Variants in ZFHX3 observed in about 807,000 individuals in gnomAD.
ZFHX3 encodes zinc finger homeobox 3.
In ZFHX3, 42 loss-of-function variants were observed where a neutral mutation model predicts 279.1. That is an observed-to-expected ratio of 0.15 (90% CI 0.12 to 0.19). ZFHX3 has a LOEUF of 0.19. Ranked by LOEUF, ZFHX3 falls within the 10% of genes least tolerant of loss-of-function variation. The pLI is 1.00. For synonymous variants in ZFHX3, 2,293 were observed against 1,957.8 expected (o/e 1.17, Z -4.52); for missense variants, 4,981 against 4,754.0 (o/e 1.05, Z -1.40).
intron 7 of ZFHX3, among the ~76,000 whole-genome samples, chr16:73,119,703 G>C (rs1966473888): frequency 1.3e-5 from 2 of 152,126 alleles, no homozygotes; most frequent in Non-Finnish European, 2.9e-5. Context: ...ACGTCTTTTA[G>C]AAATGGGGTC....
chr16:73,798,336 G>A (rs1270876957), intron 1 of ZFHX3, among the ~76,000 whole-genome samples: 2 of 151,950 alleles, frequency 1.3e-5, no homozygotes, highest in Non-Finnish European at 2.9e-5. Flanking sequence ...TGGGGGAAAG[G>A]TGAGACCTTG....
chr16:73,330,061 C>A (rs1238761203), intron 3 of ZFHX3, among the ~76,000 whole-genome samples: 2 of 152,164 alleles, frequency 1.3e-5, no homozygotes, highest in East Asian at 3.9e-4. Context: ...GGACACAATG[C>A]AGACCTTTGA....
At chr16:73,232,539 G>C (rs952549704) in intron 5 of ZFHX3, 2 of 152,260 alleles carry the variant, frequency 1.3e-5, no homozygotes, top group Non-Finnish European at 2.9e-5. Context: ...AAGAAAAAAG[G>C]AATCGATGAC....
intron 1 of ZFHX3, among the ~76,000 whole-genome samples, chr16:73,043,866 G>C (rs1965202235): frequency 6.6e-6 from 1 of 152,220 alleles, no homozygotes; most frequent in African/African-American, 2.4e-5. Context: ...TTAAATCATA[G>C]AGAAAAGCCC....
intron 3 of ZFHX3, among the ~76,000 whole-genome samples, chr16:73,367,599 A>C (rs2016551977): frequency 6.6e-6 from 1 of 152,140 alleles, no homozygotes; most frequent in Non-Finnish European, 1.5e-5. Flanking sequence ...AAGAACAAGA[A>C]AATCATGTGG....
intron 5 of ZFHX3, among the ~76,000 whole-genome samples, chr16:73,164,527 C>A (rs1297878945): frequency 6.6e-6 from 1 of 152,112 alleles, no homozygotes; most frequent in South Asian, 2.1e-4. Flanking sequence ...TGGGGATATC[C>A]TGTCTCCACT....
intron 4 of ZFHX3, among the ~76,000 whole-genome samples, chr16:72,861,294 A>G (rs2037882645): frequency 6.6e-6 from 1 of 152,252 alleles, no homozygotes; most frequent in South Asian, 2.1e-4. Flanking sequence ...CCCACTAAGC[A>G]TCGGGTGGAA....
intron 1 of ZFHX3, among the ~76,000 whole-genome samples, chr16:72,978,233 T>C (rs1567615818): frequency 6.6e-6 from 1 of 152,192 alleles, no homozygotes; most frequent in African/African-American, 2.4e-5. Context: ...TGCTCTGGGA[T>C]GGAAAGTGTT....
At chr16:73,026,829 A>G (rs1296890158) in intron 1 of ZFHX3, among the ~76,000 whole-genome samples, 1 of 152,218 alleles carries the variant, frequency 6.6e-6, no homozygotes, top group Non-Finnish European at 1.5e-5. Flanking sequence ...ATTTTATTCC[A>G]GAGACCAGTG....
At chr16:73,800,964 G>T (rs931396398) in intron 1 of ZFHX3, among the ~76,000 whole-genome samples, 1 of 152,160 alleles carries the variant, frequency 6.6e-6, no homozygotes, top group Non-Finnish European at 1.5e-5. Context: ...TGCCCTGGTA[G>T]TTATAAACGT....
intron 4 of ZFHX3, among the ~76,000 whole-genome samples, chr16:72,867,551 T>A (rs1181268695): frequency 6.6e-6 from 1 of 152,116 alleles, no homozygotes; most frequent in Non-Finnish European, 1.5e-5. Context: ...CCTCATGGAG[T>A]ACGACTACCC....
chr16:73,242,131 A>G (rs74795550), intron 5 of ZFHX3, among the ~76,000 whole-genome samples: 2,504 of 152,298 alleles, frequency 0.016, 73 homozygotes, highest in African/African-American at 0.055. Context: ...GAGATACGGA[A>G]GACTGGAGTT....
chr16:73,321,481 A>G (rs1427391496), intron 3 of ZFHX3, among the ~76,000 whole-genome samples: 1 of 152,328 alleles, frequency 6.6e-6, no homozygotes, highest in East Asian at 1.9e-4. Flanking sequence ...AATTATTATT[A>G]TTCCCTTTGG....
chr16:73,664,630 T>C (rs2052816998), intron 2 of ZFHX3, among the ~76,000 whole-genome samples: 1 of 152,194 alleles, frequency 6.6e-6, no homozygotes, highest in Admixed American at 6.5e-5. Context: ...TATTCATTCA[T>C]CTACCAAGAG....
At chr16:73,089,462 C>T (rs931612752) in intron 8 of ZFHX3, among the ~76,000 whole-genome samples, 11 of 152,202 alleles carry the variant, frequency 7.2e-5, no homozygotes, top group African/African-American at 2.4e-4. Context: ...ATATTTTTAC[C>T]GAGGAAAAAT....
intron 2 of ZFHX3, among the ~76,000 whole-genome samples, chr16:73,521,261 C>T (rs825862): frequency 0.019 from 2,859 of 152,180 alleles, 177 homozygotes; most frequent in East Asian, 0.19. Flanking sequence ...GCAATCTCAT[C>T]CACAAGATGC....
chr16:73,802,605 G>A (rs1289984765), intron 1 of ZFHX3, among the ~76,000 whole-genome samples: 1 of 152,144 alleles, frequency 6.6e-6, no homozygotes. Flanking sequence ...TCTGCCTGGG[G>A]TAAGTGACAG....
chr16:73,416,166 A>G (rs536445031), intron 3 of ZFHX3, among the ~76,000 whole-genome samples: 1 of 151,482 alleles, frequency 6.6e-6, no homozygotes, highest in Admixed American at 6.6e-5. Context: ...ACAAACAAAA[A>G]ACAGAGAGAA....
At chr16:73,152,002 C>T (rs1966955608) in intron 5 of ZFHX3, among the ~76,000 whole-genome samples, 1 of 151,394 alleles carries the variant, frequency 6.6e-6, no homozygotes, top group Admixed American at 6.6e-5. Flanking sequence ...CCTCTGGGCC[C>T]TATCAGTTAC....
Sources: allele counts gnomAD v4.1 joint callset (sites outside exome capture counted in the v4.1 genomes callset), GRCh38; gene constraint gnomAD v4.1.1; transcripts MANE v1.5; gene names NCBI Gene and HGNC (gene_info 2026-07-23, HGNC 2026-07-21).